RNF169: variants seen among roughly 807,000 people sequenced by gnomAD.
The protein encoded by RNF169 is ring finger protein 169, also known as E3 ubiquitin-protein ligase RNF169.
A neutral mutation model predicts 53.9 loss-of-function variants in RNF169; 24 were observed. The ratio of observed to expected loss-of-function variants is 0.45; its 90% confidence interval spans 0.32 to 0.63. The LOEUF is 0.63. RNF169 is among the 20% of genes least tolerant of loss of function. The pLI, the probability that RNF169 is intolerant of heterozygous loss-of-function variation, is 0.04. For synonymous variants in RNF169, 396 were observed against 363.5 expected, an observed-to-expected ratio of 1.09 and a Z score of -1.02; for missense variants, 883 against 906.2, an observed-to-expected ratio of 0.97 and a Z score of 0.33.
At chr11:74,769,145 T>C (rs1164807079) in intron 1 of RNF169, among the ~76,000 whole-genome samples, 1 of 152,152 alleles carries the variant, frequency 6.6e-6, no homozygotes, top group East Asian at 1.9e-4. Context: ...AAGATTGATA[T>C]CCAACATATA....
intron 2 of RNF169, among the ~76,000 whole-genome samples, chr11:74,799,070 A>T (rs12274227): frequency 0.066 from 6,182 of 93,012 alleles, 136 homozygotes; most frequent in African/African-American, 0.11. Context: ...AGAAAAAAAA[A>T]AAAAGATTTC....
intron 2 of RNF169, among the ~76,000 whole-genome samples, chr11:74,804,561 A>G (rs2035778923): frequency 1.3e-5 from 2 of 152,322 alleles, no homozygotes; most frequent in African/African-American, 4.8e-5. Context: ...TGATTCACCA[A>G]AAATTGGGTA....
At chr11:74,781,841 A>G (rs511009) in intron 1 of RNF169, among the ~76,000 whole-genome samples, 33 of 152,304 alleles carry the variant, frequency 2.2e-4, no homozygotes, top group Admixed American at 1.6e-3. Flanking sequence ...GCCTTAGCAA[A>G]TGAAACTCTG....
chr11:74,828,632 T>A (rs765541192), intron 4 of RNF169, among the ~76,000 whole-genome samples: 1 of 152,118 alleles, frequency 6.6e-6, no homozygotes. Context: ...CAGCCTGATA[T>A]TGATACAAGA....
intron 1 of RNF169, among the ~76,000 whole-genome samples, chr11:74,780,377 A>G (rs2035399612): frequency 6.6e-6 from 1 of 152,120 alleles, no homozygotes; most frequent in South Asian, 2.1e-4. Context: ...CACACACCCT[A>G]TTCCAGTCTA....
rs147509783 is a variant in RNF169, at chr11:74,785,506, G to A, written c.503-4120G>A. Reference sequence around the variant, plus strand: ...TTAGAGGGTACAGCTAAGATAGAACGTAGGATTAAATGTTTAAGTTAATAT... The same window carrying A: ...TTAGAGGGTACAGCTAAGATAGAACATAGGATTAAATGTTTAAGTTAATAT... On this transcript the variant is annotated intron_variant, in intron 1 of 5. Transcript: ENST00000299563. Among the ~76,000 whole-genome samples, 610 of 151,062 alleles carry A rather than the reference G, an allele frequency of 4.0e-3. 1 individual carries two copies. The highest frequency in any genetic ancestry group is 6.9e-3 in the Middle Eastern group (2 of 290).
intron 1 of RNF169, among the ~76,000 whole-genome samples, chr11:74,777,615 C>G (rs990891183): frequency 2.0e-5 from 3 of 151,580 alleles, no homozygotes; most frequent in Admixed American, 1.3e-4. Flanking sequence ...ACTCTTATAC[C>G]TGCTTTTGCA....
intron 1 of RNF169, among the ~76,000 whole-genome samples, chr11:74,788,172 T>C (rs937413540): frequency 6.6e-6 from 1 of 152,146 alleles, no homozygotes; most frequent in Non-Finnish European, 1.5e-5. Context: ...AAGAGCAAAG[T>C]CTGTGTAATA....
chr11:74,785,237 A>G (rs2035480095), intron 1 of RNF169, among the ~76,000 whole-genome samples: 1 of 90,912 alleles, frequency 1.1e-5, no homozygotes, highest in Non-Finnish European at 1.9e-5. Context: ...TATATTATAT[A>G]TATGTTATAT....
At position 74,749,310 on chromosome 11, in the gene RNF169, C is replaced by G. The variant is rs2034846465; in HGVS notation, c.430C>G (p.Arg144Gly). 6.7e-6 allele frequency: 8 copies of G among 1,185,434 alleles called. No individual in the cohort carries two copies. The highest frequency in any genetic ancestry group is 8.3e-6 in the Non-Finnish European group (8 of 959,412). 73.4% of individuals were successfully genotyped at this position (1,185,434 alleles called of 1,614,324 possible). A position where few individuals can be genotyped will look rare whatever the true frequency, so the allele number is the denominator to read the frequency against. The change falls in exon 1 of 6, where the codon CGC (arginine) becomes GGC (glycine). Residue 144 changes from arginine to glycine, a missense_variant. Coordinates refer to ENST00000299563, the MANE Select transcript of RNF169 (RefSeq NM_001098638.2). ...CAGCCAACCCGAGCGCTGCCGCCCG[C>G]GCCGGGACGGGGGCGCGGCTGCCGC... ...RRSQPERCRP[R>G]RDGGAAAAGP...
At chr11:74,753,092 C>T (rs746812568) in intron 1 of RNF169, among the ~76,000 whole-genome samples, 1 of 152,160 alleles carries the variant, frequency 6.6e-6, no homozygotes, top group Non-Finnish European at 1.5e-5. Flanking sequence ...TCTCCATCTC[C>T]CGAGTAGCTG....
chr11:74,757,022 G>C (rs922236050), intron 1 of RNF169, among the ~76,000 whole-genome samples: 1 of 100,626 alleles, frequency 9.9e-6, no homozygotes, highest in African/African-American at 5.7e-5. Flanking sequence ...TATACTTTAA[G>C]TTTTAGGGTA....
At chr11:74,807,924 T>C (rs908174801) in intron 2 of RNF169, 1 of 152,196 alleles carries the variant, frequency 6.6e-6, no homozygotes, top group Non-Finnish European at 1.5e-5. Context: ...CCAACATGAT[T>C]CATTTGAATA....
intron 1 of RNF169, among the ~76,000 whole-genome samples, 200 bp downstream of exon 1, chr11:74,749,582 G>A (rs2034854580): frequency 1.3e-5 from 2 of 152,206 alleles, no homozygotes; most frequent in African/African-American, 4.8e-5. Context: ...CGTTGCATGC[G>A]GAGGGGCGGT....
intron 2 of RNF169, among the ~76,000 whole-genome samples, chr11:74,808,913 T>C (rs2035838776): frequency 6.6e-6 from 1 of 152,202 alleles, no homozygotes; most frequent in South Asian, 2.1e-4. Context: ...TTGGGCAGAG[T>C]TGCCGGTACT....
intron 4 of RNF169, among the ~76,000 whole-genome samples, chr11:74,824,804 C>T (rs970925667): frequency 2.0e-5 from 3 of 152,060 alleles, no homozygotes; most frequent in Non-Finnish European, 1.5e-5. Context: ...CAATAAAGCA[C>T]AGGACAAAAA....
chr11:74,790,583 G>A (rs529525620), intron 2 of RNF169, among the ~76,000 whole-genome samples: 5 of 152,306 alleles, frequency 3.3e-5, no homozygotes, highest in African/African-American at 4.8e-5. Context: ...TGCTCAGCTC[G>A]CACTACCAGC....
At chr11:74,802,507 A>G (rs2035744927) in intron 2 of RNF169, among the ~76,000 whole-genome samples, 2 of 152,086 alleles carry the variant, frequency 1.3e-5, no homozygotes, top group Admixed American at 1.3e-4. Flanking sequence ...GCCAGGCGCG[A>G]TGGTGCACAG....
chr11:74,826,688 C>A (rs921327192), intron 4 of RNF169, among the ~76,000 whole-genome samples: 1 of 152,206 alleles, frequency 6.6e-6, no homozygotes, highest in African/African-American at 2.4e-5. Context: ...GGTAAATACA[C>A]CGATTTCCAT....
Sources: gnomAD v4.1 joint callset for allele counts (sites outside exome capture counted in the v4.1 genomes callset) on GRCh38, gnomAD v4.1.1 for gene constraint, MANE v1.5 for transcripts, NCBI Gene and HGNC (gene_info 2026-07-23, HGNC 2026-07-21) for gene names.